PTK2: variants seen among roughly 807,000 people sequenced by gnomAD.
PTK2 encodes focal adhesion kinase 1.
PTK2 carries 45 observed loss-of-function variants against 150.1 expected under a neutral mutation model. The ratio of observed to expected loss-of-function variants is 0.30; its 90% CI spans 0.24 to 0.38. PTK2 has a LOEUF of 0.38. PTK2 is among the 10% of genes least tolerant of loss of function. The pLI, the probability that PTK2 is intolerant of heterozygous loss-of-function variation, is 1.00. For synonymous variants in PTK2, 432 were observed against 449.2 expected (o/e 0.96, Z 0.48); for missense variants, 919 against 1,307.3 (o/e 0.70, Z 4.58).
At chr8:140,683,025 A>C (rs1026766665) in intron 27 of PTK2, among the ~76,000 whole-genome samples, 1 of 152,234 alleles carries the variant, frequency 6.6e-6, no homozygotes, top group African/African-American at 2.4e-5. Flanking sequence ...AATGGAACTG[A>C]GACATGAAAA....
chr8:140,719,066 C>G lies in PTK2; in HGVS notation c.2031-1357G>C, dbSNP rs191790940. Among the ~76,000 whole-genome samples, 682 of 152,156 alleles carry G rather than the reference C, an allele frequency of 4.5e-3. 4 individuals carry two copies. The highest frequency in any genetic ancestry group is 0.016 in the African/African-American group (645 of 41,522). On this transcript the variant is annotated intron_variant, in intron 22 of 31. Coordinates refer to ENST00000522684, the Ensembl canonical transcript of PTK2. ...TGGCGCGTGCCTGTAGTTCCAGCTA[C>G]TCGGGAGGCTGAGGCAGGAGAATCC...
At chr8:140,981,260 C>T (rs1285372835) in intron 1 of PTK2, among the ~76,000 whole-genome samples, 2 of 151,778 alleles carry the variant, frequency 1.3e-5, no homozygotes, top group Non-Finnish European at 1.5e-5. Context: ...AAAATACAAA[C>T]AGTAACAGAT....
intron 1 of PTK2, among the ~76,000 whole-genome samples, chr8:140,951,148 T>G (rs906683291): frequency 6.6e-6 from 1 of 152,144 alleles, no homozygotes; most frequent in Non-Finnish European, 1.5e-5. Context: ...ACATTAACCC[T>G]GAAAATTATC....
intron 1 of PTK2, among the ~76,000 whole-genome samples, chr8:140,997,474 C>G (rs966402228): frequency 4.6e-5 from 7 of 152,194 alleles, no homozygotes; most frequent in Non-Finnish European, 1.5e-5. Flanking sequence ...AACGAGCCAA[C>G]TGATGTGGCA....
chr8:140,869,791 T>C (rs913573656), intron 4 of PTK2, among the ~76,000 whole-genome samples: 2 of 151,588 alleles, frequency 1.3e-5, no homozygotes, highest in Non-Finnish European at 2.9e-5. Flanking sequence ...ACAGAAAGAA[T>C]AGATGAAGAT....
chr8:140,746,821 A>G (rs2100059090), exon 18 of PTK2: 1 of 1,613,614 alleles, frequency 6.2e-7, no homozygotes, highest in South Asian at 1.1e-5. Context: ...GACTCCAATC[A>G]GCTTCACAAT....
intron 23 of PTK2, 111 bp downstream of exon 26, chr8:140,717,487 T>G: frequency 1.2e-6 from 1 of 816,128 alleles, no homozygotes; most frequent in Non-Finnish European, 2.1e-6. Flanking sequence ...TAACTATTAC[T>G]CTTAGAATAA....
At chr8:140,970,771 A>G (rs73714797) in intron 1 of PTK2, among the ~76,000 whole-genome samples, 3,366 of 152,310 alleles carry the variant, frequency 0.022, 134 homozygotes, top group African/African-American at 0.078. Context: ...AATCTCAATC[A>G]GATGTCATCA....
intron 24 of PTK2, among the ~76,000 whole-genome samples, chr8:140,703,392 A>G (rs1275336645): frequency 6.6e-6 from 1 of 152,228 alleles, no homozygotes; most frequent in Non-Finnish European, 1.5e-5. Flanking sequence ...ATCTCAAGAA[A>G]GGACATTTGT....
chr8:140,823,606 A>G lies in PTK2; in HGVS notation c.649-4586T>C, dbSNP rs188618857. The stretch of plus-strand genomic sequence containing the variant: ...TGGCTTATTGGCCCTACCCGACTGG[A>G]CCCTAACATATACATCTAACTTGGT... On this transcript the variant is annotated intron_variant, in intron 8 of 31. Transcript: ENST00000522684. 2.8e-4 allele frequency among the ~76,000 whole-genome samples: 42 copies of G among 152,194 alleles called. No homozygotes were observed. In the East Asian group the frequency reaches 6.4e-3, roughly 23 times the overall value.
chr8:140,855,776 G>A (rs1403634223), intron 5 of PTK2, among the ~76,000 whole-genome samples: 1 of 152,090 alleles, frequency 6.6e-6, no homozygotes, highest in Non-Finnish European at 1.5e-5. Flanking sequence ...GGGGCTGCAA[G>A]GAGGACAAAT....
At chr8:140,792,461 C>T (rs1198861849) in intron 13 of PTK2, among the ~76,000 whole-genome samples, 1 of 152,208 alleles carries the variant, frequency 6.6e-6, no homozygotes, top group African/African-American at 2.4e-5. Context: ...CTGGACTTCA[C>T]CCCATGCACC....
chr8:140,832,523 A>G (rs1281179464), intron 7 of PTK2, among the ~76,000 whole-genome samples: 1 of 152,220 alleles, frequency 6.6e-6, no homozygotes, highest in East Asian at 1.9e-4. Context: ...TGAAGGGGGC[A>G]GTTTCTGTTC....
At chr8:140,946,832 A>ATCTATCTAAGCATGGT (rs2100177879) in intron 1 of PTK2, among the ~76,000 whole-genome samples, 1 of 152,172 alleles carries the variant, frequency 6.6e-6, no homozygotes, top group Non-Finnish European at 1.5e-5. Context: ...CTACTGATAC[A>ATCTATCTAAGCATGGT]TCTATCTAAA....
chr8:141,002,053 G>A (rs1045008328), upstream of PTK2: 1 of 152,174 alleles, frequency 6.6e-6, no homozygotes, highest in Non-Finnish European at 1.5e-5. Context: ...GGCTCGCCCC[G>A]ACACCGACCC....
chr8:140,681,904 A>G (rs2100017199), intron 27 of PTK2, among the ~76,000 whole-genome samples: 1 of 152,226 alleles, frequency 6.6e-6, no homozygotes. Flanking sequence ...GAAAAATCAG[A>G]CACTGGCGAT....
At chr8:140,697,129 G>C (rs897702703) in intron 26 of PTK2, among the ~76,000 whole-genome samples, 3 of 72,202 alleles carry the variant, frequency 4.2e-5, no homozygotes, top group Non-Finnish European at 7.8e-5. Flanking sequence ...GTGAGACCCT[G>C]TTTCCGGGAA....
intron 14 of PTK2, among the ~76,000 whole-genome samples, chr8:140,781,880 G>T (rs965678112): frequency 6.6e-6 from 1 of 152,196 alleles, no homozygotes; most frequent in South Asian, 2.1e-4. Flanking sequence ...AGAACACCCC[G>T]ATCTCAACAG....
chr8:140,837,782 G>A (rs898927913), intron 7 of PTK2, among the ~76,000 whole-genome samples: 4 of 150,622 alleles, frequency 2.7e-5, no homozygotes, highest in Non-Finnish European at 5.9e-5. Context: ...AAAGCAGCTG[G>A]GCACGGTGGC....
Sources: gnomAD v4.1 joint callset for allele counts (sites outside exome capture counted in the v4.1 genomes callset) on GRCh38, gnomAD v4.1.1 for gene constraint, MANE v1.5 for transcripts, NCBI Gene and HGNC (gene_info 2026-07-23, HGNC 2026-07-21) for gene names.